SLC1A1: variants seen among roughly 807,000 people sequenced by gnomAD.
SLC1A1 encodes solute carrier family 1 member 1.
Under a neutral mutation model 53.3 loss-of-function variants are expected in SLC1A1, and 43 were observed. That is an observed-to-expected ratio of 0.81 (90% CI 0.63 to 1.04). The LOEUF (loss-of-function observed/expected upper bound fraction) is 1.04. Ranked by LOEUF, SLC1A1 falls within the 50% of genes least tolerant of loss-of-function variation. The pLI is 0.00. For synonymous variants in SLC1A1, 307 were observed against 243.2 expected, an observed-to-expected ratio of 1.26 and a Z score of -2.44; for missense variants, 748 against 664.9, an observed-to-expected ratio of 1.12 and a Z score of -1.37.
At chr9:4,519,373 T>A (rs955335624) in intron 1 of SLC1A1, among the ~76,000 whole-genome samples, 1 of 152,210 alleles carries the variant, frequency 6.6e-6, no homozygotes, top group East Asian at 1.9e-4. Flanking sequence ...CTCACTCAAG[T>A]TTTTAGATAA....
At chr9:4,542,519 A>G (rs1817107544) in intron 1 of SLC1A1, among the ~76,000 whole-genome samples, 1 of 152,204 alleles carries the variant, frequency 6.6e-6, no homozygotes, top group Non-Finnish European at 1.5e-5. Context: ...TTGCTATTCA[A>G]CAGAGTCCTT....
chr9:4,578,472 T>A (rs967136752), intron 10 of SLC1A1, among the ~76,000 whole-genome samples: 1 of 152,132 alleles, frequency 6.6e-6, no homozygotes, highest in Non-Finnish European at 1.5e-5. Context: ...GATTAAGGAC[T>A]GAGGCTTGGA....
chr9:4,510,124 A>G (rs1287885723), intron 1 of SLC1A1, among the ~76,000 whole-genome samples: 1 of 152,162 alleles, frequency 6.6e-6, no homozygotes, highest in Non-Finnish European at 1.5e-5. Context: ...ATGAGCCACT[A>G]CGCCCAGTCT....
At chr9:4,494,393 T>C (rs1285132875) in intron 1 of SLC1A1, among the ~76,000 whole-genome samples, 2 of 152,180 alleles carry the variant, frequency 1.3e-5, no homozygotes, top group Non-Finnish European at 2.9e-5. Flanking sequence ...TTAAGGTAAA[T>C]CTGAATAATT....
intron 7 of SLC1A1, among the ~76,000 whole-genome samples, chr9:4,572,804 C>T (rs1196077710): frequency 1.3e-5 from 2 of 152,162 alleles, no homozygotes; most frequent in Non-Finnish European, 2.9e-5. Context: ...CCACTTCATC[C>T]TCCCAAAATG....
intron 1 of SLC1A1, among the ~76,000 whole-genome samples, chr9:4,528,966 C>T (rs1816369422): frequency 1.3e-5 from 2 of 152,128 alleles, no homozygotes; most frequent in Non-Finnish European, 2.9e-5. Context: ...GTATCACCAT[C>T]CACCCTGTTA....
rs558277016 is a variant in SLC1A1 at position 4,504,104 on chromosome 9, G to A, written c.91+13334G>A. Among the ~76,000 whole-genome samples the A allele has an allele frequency of 9.2e-4, 140 of 152,288 alleles. 2 individuals are homozygous for A. Among genetic ancestry groups the A allele is most frequent in the African/African-American group, 3.2e-3 (133 of 41,572 alleles). ...ACTGGAGAGCATCTCTGTACCCTAA[G>A]GAAGATCTGATCTTCTCAAGAAACC... On this transcript the variant is annotated intron_variant, in intron 1 of 11. Transcript: ENST00000262352.
At position 4,579,039 on chromosome 9, in the gene SLC1A1, T is replaced by G. The variant is rs116274600; in HGVS notation, c.1193+2276T>G. On this transcript the variant is annotated intron_variant, in intron 10 of 11. Transcript: ENST00000262352. The stretch of plus-strand genomic sequence containing the variant: ...GTTAACTAACAATGTTCTAATACAA[T>G]GCATTTTTTAAATCCTCCCCAACCC... Among the ~76,000 whole-genome samples the G allele has an allele frequency of 6.7e-3, 1,016 of 152,342 alleles. 12 individuals carry two copies. Among genetic ancestry groups the G allele is most frequent in the East Asian group, 0.028 (146 of 5,194 alleles).
At chr9:4,537,189 AT>A (rs1160985952) in intron 1 of SLC1A1, among the ~76,000 whole-genome samples, 1 of 152,106 alleles carries the variant, frequency 6.6e-6, no homozygotes, top group Non-Finnish European at 1.5e-5. Flanking sequence ...AACTTAAATA[AT>A]AAAAAAAAAA....
At chr9:4,517,642 T>G (rs1316740743) in intron 1 of SLC1A1, among the ~76,000 whole-genome samples, 1 of 152,242 alleles carries the variant, frequency 6.6e-6, no homozygotes, top group Non-Finnish European at 1.5e-5. Flanking sequence ...TGCAGAGGTA[T>G]GTGGGCTGAG....
At chr9:4,526,385 C>A (rs1378079993) in intron 1 of SLC1A1, among the ~76,000 whole-genome samples, 2 of 152,044 alleles carry the variant, frequency 1.3e-5, no homozygotes, top group Non-Finnish European at 2.9e-5. Flanking sequence ...AAACACAAGG[C>A]AAGAGAATAC....
chr9:4,574,069 C>G, intron 8 of SLC1A1, 55 bp downstream of exon 8: 1 of 1,192,780 alleles, frequency 8.4e-7, no homozygotes, highest in Non-Finnish European at 1.3e-6. Flanking sequence ...ATAGGATGGC[C>G]GCTGAGAGGT....
intron 3 of SLC1A1, among the ~76,000 whole-genome samples, chr9:4,562,783 A>G (rs1363129028): frequency 6.6e-6 from 1 of 152,070 alleles, no homozygotes; most frequent in African/African-American, 2.4e-5. Flanking sequence ...TCCATGGTGT[A>G]TATGTGCCAC....
At chr9:4,582,945 C>T in intron 10 of SLC1A1, 93 bp from the exon 11 acceptor site, 1 of 1,490,164 alleles carries the variant, frequency 6.7e-7, no homozygotes, top group South Asian at 1.1e-5. Context: ...GCAGTAATAG[C>T]CATCGGGACT....
intron 10 of SLC1A1, among the ~76,000 whole-genome samples, chr9:4,580,854 G>C (rs941634457): frequency 3.9e-5 from 6 of 152,116 alleles, no homozygotes; most frequent in African/African-American, 1.4e-4. Flanking sequence ...TGCTGTTGTT[G>C]CAGAAGTAGC....
Position 4,567,517 on chromosome 9 carries a change from A to G in SLC1A1, c.484-152A>G, listed in dbSNP as rs535241837. 4 of 661,734 alleles carry G rather than the reference A, an allele frequency of 6.0e-6. No individual in the cohort carries two copies. The Admixed American group carries it at 6.5e-5, about 11-fold the overall frequency. The allele number at this position is 661,734 out of a possible 1,614,324, so 41.0% of individuals were successfully genotyped here. On this transcript the variant is annotated intron_variant, in intron 5 of 11. Coordinates refer to ENST00000262352, the MANE Select transcript of SLC1A1 (RefSeq NM_004170.6). Reference sequence around the variant, plus strand: ...TTAGTTCCAAAACCTGATGGGAGGTACCGTTGACAACTGGAGCCAACAGAG... The same window carrying G: ...TTAGTTCCAAAACCTGATGGGAGGTGCCGTTGACAACTGGAGCCAACAGAG...
At chr9:4,511,810 TAC>T (rs1325447980) in intron 1 of SLC1A1, among the ~76,000 whole-genome samples, 1 of 152,204 alleles carries the variant, frequency 6.6e-6, no homozygotes, top group African/African-American at 2.4e-5. Context: ...CATGATTTTC[TAC>T]ACAGGAAATC....
chr9:4,496,429 A>G (rs1820425266), intron 1 of SLC1A1, among the ~76,000 whole-genome samples: 1 of 151,890 alleles, frequency 6.6e-6, no homozygotes, highest in African/African-American at 2.4e-5. Context: ...TTTGTTGCCC[A>G]GGCTGGTCTT....
intron 1 of SLC1A1, among the ~76,000 whole-genome samples, chr9:4,509,787 A>G (rs997549537): frequency 1.3e-5 from 2 of 152,160 alleles, no homozygotes; most frequent in African/African-American, 4.8e-5. Context: ...TTCTCGGGAC[A>G]TCAAGAAGTG....
Sources: gnomAD v4.1 joint callset for allele counts (sites outside exome capture counted in the v4.1 genomes callset) on GRCh38, gnomAD v4.1.1 for gene constraint, MANE v1.5 for transcripts, NCBI Gene and HGNC (gene_info 2026-07-23, HGNC 2026-07-21) for gene names.